The following GHR variants were observed in gnomAD, a reference collection of about 807,000 sequenced individuals.
The protein encoded by GHR is GH receptor.
GHR carries 35 observed loss-of-function variants against 67.1 expected under a neutral mutation model. The observed-to-expected ratio is 0.52, with a 90% confidence interval of 0.40 to 0.69. The LOEUF (loss-of-function observed/expected upper bound fraction) is 0.69. Among genes scored for constraint, GHR ranks in the 30% least tolerant of loss-of-function variants. GHR has a pLI of 0.00. For missense variants in GHR, 792 were observed against 764.6 expected (o/e 1.04, Z -0.42); for synonymous variants, 272 against 269.1 (o/e 1.01, Z -0.10).
At chr5:42,663,354 T>A (rs146941363) in intron 3 of GHR, among the ~76,000 whole-genome samples, 1,645 of 152,304 alleles carry the variant, frequency 0.011, 30 homozygotes, top group African/African-American at 0.038. Flanking sequence ...AGTAAAATAC[T>A]AGCAAACCGA....
In GHR at chr5:42,638,758, C is replaced by T. The variant is rs552333791; in HGVS notation, c.136+9655C>T. Among the ~76,000 whole-genome samples the T allele has an allele frequency of 2.6e-5, 4 of 152,222 alleles. 1 individual carries two copies. Among genetic ancestry groups the T allele is most frequent in the Admixed American group, 2.6e-4 (4 of 15,294 alleles). On this transcript the variant is annotated intron_variant, in intron 3 of 9. Transcript: ENST00000230882. Reference sequence around the variant, plus strand: ...GTGGGTTGCACTGTATTTCTGTTTGCAGCATTGATATATACATTTAATGGT... The same window carrying T: ...GTGGGTTGCACTGTATTTCTGTTTGTAGCATTGATATATACATTTAATGGT...
At chr5:42,568,626 A>G (rs1750088096) in intron 2 of GHR, among the ~76,000 whole-genome samples, 1 of 152,162 alleles carries the variant, frequency 6.6e-6, no homozygotes. Flanking sequence ...CAATCAGTCT[A>G]CCCTTGAATA....
At chr5:42,652,522 T>C (rs561306679) in intron 3 of GHR, among the ~76,000 whole-genome samples, 1 of 152,194 alleles carries the variant, frequency 6.6e-6, no homozygotes, top group African/African-American at 2.4e-5. Context: ...AAATTACTAT[T>C]TGATGCAAAA....
intron 2 of GHR, among the ~76,000 whole-genome samples, chr5:42,607,055 G>A (rs1016799588): frequency 6.6e-6 from 1 of 152,124 alleles, no homozygotes; most frequent in Non-Finnish European, 1.5e-5. Context: ...TCTCACAAGA[G>A]CTGATGAAGT....
chr5:42,437,523 A>ATT (rs1561302720), intron 1 of GHR, among the ~76,000 whole-genome samples: 4 of 147,492 alleles, frequency 2.7e-5, no homozygotes, highest in African/African-American at 1.0e-4. Context: ...TCTTCTTATT[A>ATT]TTTTTATATT....
rs1260308559 is a variant in GHR, at chr5:42,423,578, C to G, written c.-389C>G. Among the ~76,000 whole-genome samples the G allele has an allele frequency of 6.6e-6, 1 of 152,140 alleles. No homozygotes were observed. The highest frequency in any genetic ancestry group is 2.1e-4 in the South Asian group (1 of 4,818). ...CCTCCTTGAACGTCCGCTTCGCCTT[C>G]GCTTCTGCAACCTGGATCTGGGGGA... On this transcript the variant is annotated 5_prime_UTR_variant, in exon 1 of 10. Transcript: ENST00000230882.
chr5:42,710,694 G>A (rs1164512861), intron 6 of GHR, among the ~76,000 whole-genome samples: 1 of 152,058 alleles, frequency 6.6e-6, no homozygotes, highest in Non-Finnish European at 1.5e-5. Context: ...GTTCAATAAA[G>A]GCAATTATGA....
intron 2 of GHR, among the ~76,000 whole-genome samples, chr5:42,576,565 G>T (rs903208019): frequency 7.2e-5 from 11 of 152,166 alleles, no homozygotes; most frequent in Non-Finnish European, 1.6e-4. Flanking sequence ...CTGACATGTA[G>T]AATTTTATTT....
intron 1 of GHR, among the ~76,000 whole-genome samples, chr5:42,478,162 T>G (rs1338048800): frequency 6.6e-6 from 1 of 152,198 alleles, no homozygotes. Flanking sequence ...ATTTCTTGTT[T>G]TTGTCAGGTT....
chr5:42,700,140 A>C, intron 6 of GHR, 138 bp downstream of exon 6: 1 of 672,012 alleles, frequency 1.5e-6, no homozygotes, highest in Non-Finnish European at 2.7e-6. Flanking sequence ...TTGAGAAAAC[A>C]TTATTTAACC....
intron 1 of GHR, among the ~76,000 whole-genome samples, chr5:42,552,085 A>T (rs762604628): frequency 2.0e-5 from 3 of 152,034 alleles, no homozygotes; most frequent in Non-Finnish European, 4.4e-5. Context: ...CTGATTTCAA[A>T]CCTCTTTGGC....
Position 42,609,831 on chromosome 5 carries a change from C to T in GHR, c.71-19207C>T, listed in dbSNP as rs545828628. 4.6e-5 allele frequency among the ~76,000 whole-genome samples: 7 copies of T among 152,280 alleles called. No individual in the cohort carries two copies. In the East Asian group the frequency reaches 7.7e-4, roughly 17 times the overall value. On this transcript the variant is annotated intron_variant, in intron 2 of 9. Transcript: ENST00000230882. ...ATCCTTTTCTGTAATTTAAAAACAA[C>T]CTTACCATCTGTGTCCTCTGTCATA...
intron 2 of GHR, among the ~76,000 whole-genome samples, chr5:42,624,077 G>A (rs746128180): frequency 6.6e-5 from 10 of 152,176 alleles, no homozygotes; most frequent in Non-Finnish European, 1.5e-4. Context: ...CTTTCCATGA[G>A]GGTACCATTT....
intron 1 of GHR, among the ~76,000 whole-genome samples, chr5:42,506,757 A>T (rs936342309): frequency 6.6e-6 from 1 of 152,224 alleles, no homozygotes; most frequent in Non-Finnish European, 1.5e-5. Flanking sequence ...TATTAGAATT[A>T]TATATTCCCT....
At chr5:42,475,152 A>G (rs1745246676) in intron 1 of GHR, among the ~76,000 whole-genome samples, 1 of 152,124 alleles carries the variant, frequency 6.6e-6, no homozygotes. Flanking sequence ...TGCTGGGATT[A>G]CAGGTGTGAG....
At chr5:42,600,317 AAG>A (rs1471177011) in intron 2 of GHR, among the ~76,000 whole-genome samples, 1 of 152,234 alleles carries the variant, frequency 6.6e-6, no homozygotes, top group Non-Finnish European at 1.5e-5. Context: ...GAAAGGATGT[AAG>A]AGTGGGCAGA....
At chr5:42,658,523 T>C (rs1007103608) in intron 3 of GHR, among the ~76,000 whole-genome samples, 4 of 152,232 alleles carry the variant, frequency 2.6e-5, no homozygotes, top group African/African-American at 9.6e-5. Context: ...CTTTTATCCA[T>C]TGTTATTTTT....
chr5:42,560,969 T>A (rs1180039460), intron 1 of GHR, among the ~76,000 whole-genome samples: 1 of 152,228 alleles, frequency 6.6e-6, no homozygotes, highest in Non-Finnish European at 1.5e-5. Flanking sequence ...TTCTGATCAA[T>A]CTGAGTTCAG....
At chr5:42,609,794 T>C (rs923976172) in intron 2 of GHR, among the ~76,000 whole-genome samples, 1 of 152,222 alleles carries the variant, frequency 6.6e-6, no homozygotes, top group Non-Finnish European at 1.5e-5. Context: ...AGATATCCTT[T>C]GAAATCTCAA....
Sources: gnomAD v4.1 joint callset for allele counts (sites outside exome capture counted in the v4.1 genomes callset) on GRCh38, gnomAD v4.1.1 for gene constraint, MANE v1.5 for transcripts, NCBI Gene and HGNC (gene_info 2026-07-23, HGNC 2026-07-21) for gene names.